The following HEATR5B variants were observed in gnomAD, a reference collection of about 807,000 sequenced individuals.
The protein encoded by HEATR5B is HEAT repeat containing 5B.
Under a neutral mutation model 224.1 loss-of-function variants are expected in HEATR5B, and 156 were observed. That is an observed-to-expected ratio of 0.70 (90% CI 0.61 to 0.80). The LOEUF (loss-of-function observed/expected upper bound fraction) is 0.80, where lower values mean the gene tolerates loss of function less well. Among genes scored for constraint, HEATR5B ranks in the 30% least tolerant of loss-of-function variants. The probability of loss-of-function intolerance (pLI) is 0.00; values close to 1 mark genes in which losing one functional copy is unlikely to be tolerated. For synonymous variants in HEATR5B, 1,027 were observed against 893.0 expected, an observed-to-expected ratio of 1.15 and a Z score of -2.68; for missense variants, 2,323 against 2,535.5, an observed-to-expected ratio of 0.92 and a Z score of 1.80.
chr2:36,981,688 T>C lies in HEATR5B; in HGVS notation c.6018A>G (p.Ala2006=). 1 of 1,613,942 alleles carries C rather than the reference T, an allele frequency of 6.2e-7. No homozygotes were observed. Among genetic ancestry groups the C allele is most frequent in the Non-Finnish European group, 8.5e-7 (1 of 1,179,982 alleles). The part of the protein sequence containing the change: ...SSASKDLHEF[A]LQNLMHIGPL... Reference sequence around the variant, plus strand: ...GTCCAATATGCATTAAATTCTGGAGTGCAAACTCATGAAGATCTTTGGAAG... The same window carrying C: ...GTCCAATATGCATTAAATTCTGGAGCGCAAACTCATGAAGATCTTTGGAAG... The change falls in exon 36 of 36, where the codon GCA becomes GCG. Residue 2006 remains alanine, a synonymous_variant. Transcript: ENST00000233099.
chr2:37,051,832 CAGGTT>C (rs1210018203), intron 17 of HEATR5B, among the ~76,000 whole-genome samples: 1 of 152,036 alleles, frequency 6.6e-6, no homozygotes, highest in African/African-American at 2.4e-5. Context: ...CTCTGCCTCC[CAGGTT>C]CAAGTGATTC....
intron 3 of HEATR5B, 66 bp downstream of exon 3, chr2:37,079,054 C>T (rs1672396481): frequency 1.0e-6 from 1 of 971,740 alleles, no homozygotes; most frequent in African/African-American, 1.6e-5. Context: ...GGTCCATAGT[C>T]TCCTACTAAG....
At chr2:37,066,649 T>C (rs1287840129) in intron 8 of HEATR5B, among the ~76,000 whole-genome samples, 5 of 152,198 alleles carry the variant, frequency 3.3e-5, no homozygotes, top group Non-Finnish European at 7.3e-5. Flanking sequence ...GCCAAACTAC[T>C]AATTGAGAAT....
intron 22 of HEATR5B, among the ~76,000 whole-genome samples, chr2:37,030,666 T>C (rs1028362815): frequency 1.3e-5 from 2 of 152,250 alleles, no homozygotes; most frequent in African/African-American, 4.8e-5. Flanking sequence ...TTGTAATTAT[T>C]ATTTTTAATC....
Position 37,041,298 on chromosome 2 carries a change from A to G in HEATR5B, c.2697-6T>C, listed in dbSNP as rs1252384908. On this transcript the variant is annotated splice_region_variant and splice_polypyrimidine_tract_variant and intron_variant, in intron 18 of 35. Coordinates refer to ENST00000233099, the MANE Select transcript of HEATR5B (RefSeq NM_019024.3). ...CATCTCGAGCCGATTTCAACCTGAA[A>G]AAAAGATTATGCTTCAAGCACTAAC... 1 of 1,613,632 alleles carries G rather than the reference A, an allele frequency of 6.2e-7. No individual in the cohort carries two copies. The highest frequency in any genetic ancestry group is 1.7e-5 in the Admixed American group (1 of 59,976).
chr2:37,013,678 T>C (rs948437784), intron 27 of HEATR5B, among the ~76,000 whole-genome samples, 163 bp downstream of exon 27: 4 of 152,256 alleles, frequency 2.6e-5, no homozygotes, highest in Non-Finnish European at 5.9e-5. Context: ...CCTTCCTCAA[T>C]ATAGAGGTTT....
chr2:37,013,492 C>T (rs141503046), intron 27 of HEATR5B, among the ~76,000 whole-genome samples: 9 of 152,294 alleles, frequency 5.9e-5, no homozygotes, highest in Non-Finnish European at 1.2e-4. Flanking sequence ...CAAGTCCAGG[C>T]TGGGCAACAA....
intron 33 of HEATR5B, among the ~76,000 whole-genome samples, chr2:36,997,756 C>T (rs972484312): frequency 6.6e-5 from 10 of 152,052 alleles, no homozygotes; most frequent in African/African-American, 1.4e-4. Flanking sequence ...TTAGTAGAGA[C>T]GGGGTTTCCC....
At chr2:37,030,944 C>G (rs1669090060) in intron 22 of HEATR5B, among the ~76,000 whole-genome samples, 1 of 152,202 alleles carries the variant, frequency 6.6e-6, no homozygotes, top group Non-Finnish European at 1.5e-5. Context: ...CTCGCTGTAC[C>G]TAAACTGTGG....
chr2:37,033,036 A>C (rs1669235083), intron 21 of HEATR5B, among the ~76,000 whole-genome samples: 1 of 151,966 alleles, frequency 6.6e-6, no homozygotes, highest in Admixed American at 6.6e-5. Flanking sequence ...GCCTGCCACC[A>C]CACCTGGCTA....
intron 35 of HEATR5B, among the ~76,000 whole-genome samples, chr2:36,983,707 G>A (rs1236524014): frequency 1.3e-5 from 2 of 150,780 alleles, no homozygotes; most frequent in African/African-American, 4.9e-5. Context: ...CAGCATGGGC[G>A]ACAAAGCGAG....
At position 37,083,986 on chromosome 2, in the gene HEATR5B, C is replaced by A. The variant is rs74832194; in HGVS notation, c.-23+283G>T. Among the ~76,000 whole-genome samples, 1,459 of 152,258 alleles carry A rather than the reference C, an allele frequency of 9.6e-3. 25 individuals carry two copies. Among genetic ancestry groups the A allele is most frequent in the African/African-American group, 0.034 (1,392 of 41,540 alleles). On this transcript the variant is annotated intron_variant, in intron 1 of 35. Coordinates refer to ENST00000233099, the MANE Select transcript of HEATR5B (RefSeq NM_019024.3). ...CCGAAGCGTCAGTGACAACACCAGG[C>A]GGTCCGGAATGCACCCGAGAAGCCT...
chr2:37,080,997 T>G lies in HEATR5B; in HGVS notation c.127-1666A>C, dbSNP rs376124120. Among the ~76,000 whole-genome samples, 5 of 152,340 alleles carry G rather than the reference T, an allele frequency of 3.3e-5. No homozygotes were observed. The East Asian group carries it at 7.7e-4, about 23-fold the overall frequency. On this transcript the variant is annotated intron_variant, in intron 2 of 35. Coordinates refer to ENST00000233099, the MANE Select transcript of HEATR5B (RefSeq NM_019024.3). ...ATTATGCTTCCTGTTTTATACACTC[T>G]TGTATTTATCAATTTCAGAACAAAA...
intron 27 of HEATR5B, among the ~76,000 whole-genome samples, chr2:37,009,058 G>C (rs978542211): frequency 1.1e-4 from 17 of 151,860 alleles, no homozygotes; most frequent in African/African-American, 3.6e-4. Context: ...AAGAGATTGA[G>C]ACCATCCTGG....
In HEATR5B at chr2:37,041,321, A is replaced by G. The variant is rs779083800; in HGVS notation, c.2697-29T>C. The G allele has an allele frequency of 2.5e-6, 4 of 1,608,336 alleles. No homozygotes were observed. The Admixed American group carries it at 6.7e-5, about 27-fold the overall frequency. The stretch of plus-strand genomic sequence containing the variant: ...AAAAAAAGATTATGCTTCAAGCACT[A>G]ACTTTGCTATTTCCCTATAAAAACA... On this transcript the variant is annotated intron_variant, in intron 18 of 35. Coordinates refer to ENST00000233099, the MANE Select transcript of HEATR5B (RefSeq NM_019024.3).
intron 26 of HEATR5B, among the ~76,000 whole-genome samples, chr2:37,017,617 T>G (rs1572814895): frequency 8.0e-6 from 1 of 125,666 alleles, no homozygotes; most frequent in Non-Finnish European, 1.6e-5. Context: ...ACCTGGGAGG[T>G]GGAGGGTGCA....
chr2:37,078,016 G>C (rs1472199924), intron 3 of HEATR5B, among the ~76,000 whole-genome samples: 1 of 152,174 alleles, frequency 6.6e-6, no homozygotes, highest in African/African-American at 2.4e-5. Context: ...TTAGCTTAAA[G>C]GCAAAAGTAG....
intron 33 of HEATR5B, among the ~76,000 whole-genome samples, chr2:36,996,545 T>G (rs575280053): frequency 6.6e-6 from 1 of 151,744 alleles, no homozygotes; most frequent in East Asian, 1.9e-4. Flanking sequence ...GCCTCCCAAG[T>G]AGATGGAATT....
intron 26 of HEATR5B, among the ~76,000 whole-genome samples, chr2:37,014,659 T>A (rs1360211488): frequency 6.6e-6 from 1 of 151,256 alleles, no homozygotes; most frequent in Non-Finnish European, 1.5e-5. Flanking sequence ...GGGTTATGCT[T>A]GCTGCTATAA....
Sources: gnomAD v4.1 joint callset for allele counts (sites outside exome capture counted in the v4.1 genomes callset) on GRCh38, gnomAD v4.1.1 for gene constraint, MANE v1.5 for transcripts, NCBI Gene and HGNC (gene_info 2026-07-23, HGNC 2026-07-21) for gene names.